The following TTLL8 variants were observed in gnomAD, a reference collection of about 807,000 sequenced individuals.
TTLL8 encodes protein monoglycylase TTLL8.
Under a neutral mutation model 77.8 loss-of-function variants are expected in TTLL8, and 65 were observed. That is an observed-to-expected ratio of 0.84 (90% CI 0.68 to 1.03). The LOEUF is 1.03. TTLL8 is among the 50% of genes least tolerant of loss of function. TTLL8 has a pLI of 0.00. For missense variants in TTLL8, 910 were observed against 1,004.5 expected, an observed-to-expected ratio of 0.91 and a Z score of 1.27; for synonymous variants, 402 against 422.8, an observed-to-expected ratio of 0.95 and a Z score of 0.60.
At chr22:50,049,851 C>T (rs1029624405) in intron 2 of TTLL8, among the ~76,000 whole-genome samples, 7 of 152,234 alleles carry the variant, frequency 4.6e-5, no homozygotes, top group African/African-American at 9.6e-5. Flanking sequence ...TGACAGAAAC[C>T]GCCCGGGCAG....
intron 12 of TTLL8, among the ~76,000 whole-genome samples, chr22:50,028,395 G>A (rs537967107): frequency 6.6e-5 from 10 of 152,316 alleles, no homozygotes; most frequent in Admixed American, 2.0e-4. Context: ...GGGAGGCCAC[G>A]TCACTGGCCT....
chr22:50,050,161 G>C, exon 2 of TTLL8: 1 of 1,367,036 alleles, frequency 7.3e-7, no homozygotes, highest in Non-Finnish European at 9.8e-7. Flanking sequence ...TGGGCAAAAA[G>C]TGGAACTTCT....
upstream of TTLL8, chr22:50,057,083 A>C: frequency 1.4e-6 from 1 of 740,426 alleles, no homozygotes. Context: ...GTTGGGGATC[A>C]GCTCTGGGGT....
Position 50,041,669 on chromosome 22 carries a change from G to A in TTLL8, c.782C>T (p.Thr261Ile). The change falls in exon 7 of 14, where the codon ACT (threonine) becomes ATT (isoleucine). Residue 261 changes from threonine to isoleucine, a missense_variant. Transcript: ENST00000266182. This position sits in a 1 kb window ranked among gnomAD's most constrained non-coding sequence, Gnocchi z 4.3. ...GGTCAGGTCCTCCCACTCGGCCTCA[G>A]TGAGGTCCTCCACGGCATCTGCTGA... 1 of 1,367,170 alleles carries A rather than the reference G, an allele frequency of 7.3e-7. No homozygotes were observed. The highest frequency in any genetic ancestry group is 9.8e-7 in the Non-Finnish European group (1 of 1,021,690). The allele number at this position is 1,367,170 out of a possible 1,614,324, so 84.7% of individuals were successfully genotyped here. A position where few individuals can be genotyped will look rare whatever the true frequency, so the allele number is the denominator to read the frequency against.
chr22:50,022,037 G>A (rs1193732484), intron 12 of TTLL8, among the ~76,000 whole-genome samples: 2 of 135,100 alleles, frequency 1.5e-5, no homozygotes, highest in Non-Finnish European at 3.1e-5. Flanking sequence ...CATCTGACAT[G>A]CACTCCTCCA....
exon 2 of TTLL8, chr22:50,050,145 T>C: frequency 7.3e-7 from 1 of 1,367,238 alleles, no homozygotes; most frequent in Non-Finnish European, 9.8e-7. Context: ...ACATCCGGAA[T>C]GACCTTGGGC....
chr22:50,030,858 G>C, exon 12 of TTLL8: 3 of 1,335,988 alleles, frequency 2.2e-6, no homozygotes, highest in Non-Finnish European at 3.0e-6. Context: ...CTGCCTCCTG[G>C]CTCTCCTCAC....
At position 50,025,251 on chromosome 22, in the gene TTLL8, T is replaced by TA. The variant is rs1219367222; in HGVS notation, c.2203+5178dup. Among the ~76,000 whole-genome samples, 49 of 58,168 alleles carry TA rather than the reference T, an allele frequency of 8.4e-4. No homozygotes were observed. The East Asian group carries it at 8.7e-3, about 10-fold the overall frequency. 38.2% of individuals were successfully genotyped at this position (58,168 alleles called of 152,430 possible). On this transcript the variant is annotated intron_variant, in intron 12 of 13. Transcript: ENST00000266182. ...TACACCTACTGTGTACCCACAGAAA[T>TA]AAAAAAAAAAACAAATTAGCAAAAA...
chr22:50,053,252 CAACT>C (rs1280315169), intron 1 of TTLL8, among the ~76,000 whole-genome samples: 1 of 148,670 alleles, frequency 6.7e-6, no homozygotes, highest in African/African-American at 2.5e-5. Context: ...CACTCTACAC[CAACT>C]GTTACATAAA....
intron 8 of TTLL8, among the ~76,000 whole-genome samples, chr22:50,036,709 C>T (rs2061339373): frequency 6.6e-6 from 1 of 152,034 alleles, no homozygotes; most frequent in African/African-American, 2.4e-5. Flanking sequence ...AGCGATGCTC[C>T]TGCCTCAGCC....
intron 3 of TTLL8, among the ~76,000 whole-genome samples, chr22:50,048,825 C>T (rs943435174): frequency 2.0e-5 from 3 of 152,194 alleles, no homozygotes; most frequent in Admixed American, 6.5e-5. Flanking sequence ...TTGGGAGCCC[C>T]GGAGGGACTA....
exon 4 of TTLL8, chr22:50,047,215 C>T (rs766780524): frequency 2.2e-6 from 3 of 1,367,594 alleles, no homozygotes; most frequent in Non-Finnish European, 2.9e-6. Context: ...AGCATCTGGT[C>T]GTAGGTCAGG....
chr22:50,048,263 C>T (rs1178092665), intron 3 of TTLL8, among the ~76,000 whole-genome samples: 1 of 152,066 alleles, frequency 6.6e-6, no homozygotes, highest in Non-Finnish European at 1.5e-5. Context: ...TCTGTCTGTC[C>T]TCCAGGCACA....
intron 12 of TTLL8, among the ~76,000 whole-genome samples, chr22:50,021,753 G>T (rs1326386125): frequency 1.6e-5 from 2 of 121,910 alleles, no homozygotes; most frequent in African/African-American, 6.5e-5. Flanking sequence ...CATCTGATGT[G>T]CACTCCTCCA....
At chr22:50,031,466 T>G (rs1394687229) in intron 11 of TTLL8, 1 of 838,860 alleles carries the variant, frequency 1.2e-6, no homozygotes, top group Non-Finnish European at 1.4e-6. Context: ...ACGCCTGGAG[T>G]AGCCCCTTCC....
intron 8 of TTLL8, among the ~76,000 whole-genome samples, chr22:50,040,307 C>T (rs1260621851): frequency 1.3e-5 from 2 of 149,514 alleles, no homozygotes; most frequent in Non-Finnish European, 3.0e-5. Context: ...CGTGTAACAG[C>T]GTGGATGGAC....
At chr22:50,033,694 G>A (rs1312134428) in intron 9 of TTLL8, among the ~76,000 whole-genome samples, 1 of 152,232 alleles carries the variant, frequency 6.6e-6, no homozygotes, top group Non-Finnish European at 1.5e-5. Flanking sequence ...AGACCCCAGA[G>A]GGGACACAGA....
upstream of TTLL8, chr22:50,055,256 T>C (rs2061464902): frequency 7.8e-7 from 1 of 1,289,828 alleles, no homozygotes. Context: ...TTCTGTTAAC[T>C]GCCTTGCTAT....
chr22:50,020,496 C>G (rs1228892287), intron 12 of TTLL8, among the ~76,000 whole-genome samples: 1 of 150,982 alleles, frequency 6.6e-6, no homozygotes, highest in Non-Finnish European at 1.5e-5. Context: ...CTGACATGCA[C>G]TCCTCCATCT....
Sources: gnomAD v4.1 joint callset for allele counts (sites outside exome capture counted in the v4.1 genomes callset) on GRCh38, gnomAD v4.1.1 for gene constraint, Gnocchi (gnomAD v3.1) non-coding constraint, MANE v1.5 for transcripts, NCBI Gene and HGNC (gene_info 2026-07-23, HGNC 2026-07-21) for gene names.